The following DCHS2 variants were observed in gnomAD, a reference collection of about 807,000 sequenced individuals.
DCHS2 encodes dachsous cadherin-related 2.
Under a neutral mutation model 182.4 loss-of-function variants are expected in DCHS2, and 142 were observed. The observed-to-expected ratio is 0.78, with a 90% CI of 0.68 to 0.89. The LOEUF (loss-of-function observed/expected upper bound fraction) is 0.89, where lower values mean the gene tolerates loss of function less well. DCHS2 is among the 40% of genes least tolerant of loss of function. DCHS2 has a pLI of 0.00. For missense variants in DCHS2, 4,319 were observed against 4,198.6 expected, an observed-to-expected ratio of 1.03 and a Z score of -0.79; for synonymous variants, 1,740 against 1,663.3, an observed-to-expected ratio of 1.05 and a Z score of -1.12.
intron 13 of DCHS2, among the ~76,000 whole-genome samples, chr4:154,273,194 C>T (rs565313515): frequency 7.2e-5 from 11 of 152,100 alleles, no homozygotes; most frequent in African/African-American, 2.2e-4. Flanking sequence ...ATGGAACCAG[C>T]CCAAATGCCT....
At chr4:154,272,448 A>C (rs182678015) in intron 13 of DCHS2, among the ~76,000 whole-genome samples, 105 of 152,218 alleles carry the variant, frequency 6.9e-4, no homozygotes, top group African/African-American at 2.4e-3. Context: ...AATCCTCATA[A>C]TCTTCACGTG....
intron 10 of DCHS2, among the ~76,000 whole-genome samples, chr4:154,313,322 C>G (rs1367906405): frequency 1.3e-5 from 2 of 152,044 alleles, no homozygotes; most frequent in South Asian, 4.1e-4. Context: ...CCTTTTGATA[C>G]AAGAAGAAAC....
In DCHS2 at chr4:154,298,196, G is replaced by T. The variant is rs775775365; in HGVS notation, c.6118C>A (p.Gln2040Lys). 26 of 1,613,988 alleles carry T rather than the reference G, an allele frequency of 1.6e-5. No individual in the cohort carries two copies. Among genetic ancestry groups the T allele is most frequent in the African/African-American group, 2.7e-5 (2 of 74,916 alleles). ...GAAAGAAACACATCAAAAGGGTTCT[G>T]TTCCAAAACTGGATCATTGTCATTA... is the stretch of plus-strand genomic sequence containing the variant. ...DVNDNDPVLE[Q>K]NPFDVFLSPE... is the part of the protein sequence containing the mutation. Residue 2040 changes from glutamine to lysine, a missense_variant, in exon 13 of 20, where the codon CAG (glutamine) becomes AAG (lysine). Coordinates refer to ENST00000357232, the MANE Select transcript of DCHS2 (RefSeq NM_001358235.2).
intron 1 of DCHS2, among the ~76,000 whole-genome samples, chr4:154,448,616 G>A (rs1734402801): frequency 6.6e-6 from 1 of 152,106 alleles, no homozygotes; most frequent in Admixed American, 6.5e-5. Flanking sequence ...CCATCCAAGT[G>A]AGCTTCTTGT....
At position 154,234,661 on chromosome 4, in the gene DCHS2, A is replaced by T. The variant is rs1731359618; in HGVS notation, c.9991T>A (p.Ser3331Thr). Residue 3331 changes from serine (S) to threonine (T), a missense_variant, in exon 20 of 20, where the codon TCT becomes ACT. Coordinates refer to ENST00000357232, the MANE Select transcript of DCHS2 (RefSeq NM_001358235.2). ...GGCTGCATCGTCAATAGGGAAAGAG[A>T]TGGAGAAAAATTGGGAGTCATGCCT... is the stretch of plus-strand genomic sequence containing the variant. The part of the protein sequence containing the change: ...PEGMTPNFSP[S>T]LSLLTMQPPA... 1 of 1,613,862 alleles carries T rather than the reference A, an allele frequency of 6.2e-7. No homozygotes were observed. The highest frequency in any genetic ancestry group is 8.5e-7 in the Non-Finnish European group (1 of 1,179,948).
chr4:154,407,742 G>A (rs1732460656), intron 1 of DCHS2, among the ~76,000 whole-genome samples: 1 of 152,168 alleles, frequency 6.6e-6, no homozygotes, highest in African/African-American at 2.4e-5. Flanking sequence ...GCAGGGTCTG[G>A]GAGGGTGCAG....
Position 154,332,866 on chromosome 4 carries a change from C to G in DCHS2, c.3342G>C (p.Gln1114His). The G allele has an allele frequency of 6.2e-7, 1 of 1,614,228 alleles. No individual in the cohort carries two copies. Residue 1114 changes from glutamine to histidine, a missense_variant, in exon 5 of 20, where the codon CAG (glutamine) becomes CAC (histidine). Coordinates refer to ENST00000357232, the MANE Select transcript of DCHS2 (RefSeq NM_001358235.2). ...LQTQAHPLGP[Q>H]RAASPLRYSL... ...AGTACCTAAGAGGCGAGGCTGCACG[C>G]TGGGGGCCAAGTGGGTGCGCCTGTG...
At chr4:154,448,959 T>C (rs1488815651) in intron 1 of DCHS2, among the ~76,000 whole-genome samples, 5 of 152,324 alleles carry the variant, frequency 3.3e-5, no homozygotes, top group Non-Finnish European at 7.4e-5. Flanking sequence ...ATTGTATGGT[T>C]AATGCGTGCC....
intron 1 of DCHS2, among the ~76,000 whole-genome samples, chr4:154,417,583 A>G (rs1489386512): frequency 1.3e-5 from 2 of 152,172 alleles, no homozygotes; most frequent in African/African-American, 4.8e-5. Flanking sequence ...TGTTTTATGC[A>G]CTATTTGGGA....
chr4:154,305,901 T>C (rs562813109), intron 10 of DCHS2, among the ~76,000 whole-genome samples: 59 of 152,342 alleles, frequency 3.9e-4, no homozygotes, highest in Non-Finnish European at 7.1e-4. Flanking sequence ...GTCTGTCCCA[T>C]GCCATTGTAA....
At chr4:154,481,996 G>A (rs953924646) in intron 1 of DCHS2, among the ~76,000 whole-genome samples, 1 of 152,178 alleles carries the variant, frequency 6.6e-6, no homozygotes, top group Non-Finnish European at 1.5e-5. Context: ...ATGTTTATGG[G>A]AAAGTGATAA....
intron 16 of DCHS2, among the ~76,000 whole-genome samples, chr4:154,244,794 A>G (rs1221419012): frequency 1.3e-5 from 2 of 152,200 alleles, no homozygotes; most frequent in Non-Finnish European, 2.9e-5. Context: ...CTGGAGCCTA[A>G]CTTCTGGAAT....
intron 10 of DCHS2, among the ~76,000 whole-genome samples, chr4:154,306,298 A>G (rs1429053941): frequency 1.3e-5 from 2 of 152,102 alleles, no homozygotes; most frequent in East Asian, 1.9e-4. Flanking sequence ...CATAGGACCA[A>G]TGTATTTGAT....
At chr4:154,445,678 T>G (rs987073422) in intron 1 of DCHS2, among the ~76,000 whole-genome samples, 1 of 151,930 alleles carries the variant, frequency 6.6e-6, no homozygotes, top group Non-Finnish European at 1.5e-5. Flanking sequence ...GGCTGTGGTG[T>G]TGTGTACCTG....
intron 1 of DCHS2, among the ~76,000 whole-genome samples, chr4:154,380,377 C>T (rs1731115210): frequency 2.0e-5 from 3 of 152,112 alleles, no homozygotes; most frequent in Admixed American, 2.0e-4. Context: ...CTACAAAGAA[C>T]TAAACTCCAA....
At chr4:154,250,073 A>T (rs1232035544) in intron 16 of DCHS2, among the ~76,000 whole-genome samples, 2 of 152,180 alleles carry the variant, frequency 1.3e-5, no homozygotes, top group Non-Finnish European at 2.9e-5. Context: ...TAATATGCAA[A>T]TACTATGCCA....
At position 154,490,242 on chromosome 4, in the gene DCHS2, C is replaced by G; in HGVS notation, c.1114G>C (p.Asp372His). The G allele has an allele frequency of 6.5e-7, 1 of 1,549,618 alleles. No homozygotes were observed. The highest frequency in any genetic ancestry group is 8.7e-7 in the Non-Finnish European group (1 of 1,146,838). The change falls in exon 1 of 20, where the codon GAC becomes CAC. Residue 372 changes from aspartate (D) to histidine (H), a missense_variant. Coordinates refer to ENST00000357232, the MANE Select transcript of DCHS2 (RefSeq NM_001358235.2). ...TGGTGCCAGGCCTGTGCCTCGCGGT[C>G]CAGAGGTCTCCACACTCGCACCACG... Reference protein sequence around the residue: ...SGVVRVWRPLDREAQAWHQLV... With the variant: ...SGVVRVWRPLHREAQAWHQLV...
At chr4:154,330,458 A>G (rs7672337) in intron 5 of DCHS2, among the ~76,000 whole-genome samples, 53,993 of 152,044 alleles carry the variant, frequency 0.36, 9,964 homozygotes, top group Non-Finnish European at 0.42. Flanking sequence ...TCAGCCATGC[A>G]GACCCAGGCA....
intron 3 of DCHS2, among the ~76,000 whole-genome samples, chr4:154,363,597 G>A (rs1730221663): frequency 1.3e-5 from 2 of 152,148 alleles, no homozygotes; most frequent in Non-Finnish European, 2.9e-5. Context: ...CAAAGGTTCA[G>A]TTAGACAGGA....
Sources: allele counts gnomAD v4.1 joint callset (sites outside exome capture counted in the v4.1 genomes callset), GRCh38; gene constraint gnomAD v4.1.1; transcripts MANE v1.5; gene names NCBI Gene and HGNC (gene_info 2026-07-23, HGNC 2026-07-21).